The following EHBP1L1 variants were observed in gnomAD, a reference collection of about 807,000 sequenced individuals.
The protein encoded by EHBP1L1 is EH domain binding protein 1 like 1, also known as EH domain-binding protein 1-like protein 1.
Under a neutral mutation model 151.1 loss-of-function variants are expected in EHBP1L1, and 122 were observed. The ratio of observed to expected loss-of-function variants is 0.81; its 90% CI spans 0.70 to 0.94. The LOEUF (loss-of-function observed/expected upper bound fraction) is 0.94, where lower values mean the gene tolerates loss of function less well. Ranked by LOEUF, EHBP1L1 falls within the 40% of genes least tolerant of loss-of-function variation. The probability of loss-of-function intolerance (pLI) is 0.00; values close to 1 mark genes in which losing one functional copy is unlikely to be tolerated. For missense variants in EHBP1L1, 1,941 were observed against 1,959.8 expected, an observed-to-expected ratio of 0.99 and a Z score of 0.18; for synonymous variants, 878 against 810.1, an observed-to-expected ratio of 1.08 and a Z score of -1.42.
intron 8 of EHBP1L1, 27 bp downstream of exon 8, chr11:65,581,400 C>G (rs781436378): frequency 2.0e-6 from 3 of 1,507,840 alleles, no homozygotes; most frequent in South Asian, 2.6e-5. Flanking sequence ...GCCTCACCCC[C>G]CATTGCCCCC....
chr11:65,580,104 G>T lies in EHBP1L1; in HGVS notation c.336G>T (p.Val112=). Residue 112 remains valine, a synonymous_variant, in exon 5 of 19, where the codon GTG becomes GTT. Transcript: ENST00000309295. ...IENESKGQRK[V]LATAEVDLAR... ...AGGAGTCTAAGGGGCAGCGGAAGGT[G>T]CTGGCCACGGCCGAGGTGGACCTGG... 1 of 1,613,208 alleles carries T rather than the reference G, an allele frequency of 6.2e-7. No homozygotes were observed. Among genetic ancestry groups the T allele is most frequent in the Non-Finnish European group, 8.5e-7 (1 of 1,179,590 alleles).
chr11:65,580,051 C>T, intron 4 of EHBP1L1, 30 bp from the exon 5 acceptor site: 1 of 1,613,006 alleles, frequency 6.2e-7, no homozygotes, highest in South Asian at 1.1e-5. Flanking sequence ...CACTGATGCC[C>T]CTTCTCCTGG....
chr11:65,584,481 T>C lies in EHBP1L1; in HGVS notation c.3252-5T>C. On this transcript the variant is annotated splice_region_variant and splice_polypyrimidine_tract_variant and intron_variant, in intron 10 of 18. Coordinates refer to ENST00000309295, the MANE Select transcript of EHBP1L1 (RefSeq NM_001099409.3). ...CCCAGCCTCTGACCAGCACACTCTCTGCAGTGACTATGCCTCGCTAGACCC... is the reference window on the plus strand; with the variant it reads ...CCCAGCCTCTGACCAGCACACTCTCCGCAGTGACTATGCCTCGCTAGACCC... 1 of 1,613,360 alleles carries C rather than the reference T, an allele frequency of 6.2e-7. No homozygotes were observed. The highest frequency in any genetic ancestry group is 8.5e-7 in the Non-Finnish European group (1 of 1,179,786).
intron 15 of EHBP1L1, 86 bp downstream of exon 15, chr11:65,590,296 C>G: frequency 6.4e-7 from 1 of 1,571,086 alleles, no homozygotes. Context: ...TTGGGAGGAG[C>G]TGGGAGGAGG....
chr11:65,579,969 T>C lies in EHBP1L1; in HGVS notation c.292T>C (p.Trp98Arg). ...PHVDQYEAKE[W>R]TFIIENESKG... ...CGTGGACCAGTATGAGGCCAAAGAGTGGACATTTATTATTGAAAATGTGAG... is the reference window on the plus strand; with the variant it reads ...CGTGGACCAGTATGAGGCCAAAGAGCGGACATTTATTATTGAAAATGTGAG... Residue 98 changes from tryptophan to arginine, a missense_variant, in exon 4 of 19, where the codon TGG becomes CGG. Coordinates refer to ENST00000309295, the MANE Select transcript of EHBP1L1 (RefSeq NM_001099409.3). 6.2e-7 allele frequency: 1 copy of C among 1,613,718 alleles called. No homozygotes were observed. Among genetic ancestry groups the C allele is most frequent in the Non-Finnish European group, 8.5e-7 (1 of 1,179,830 alleles).
chr11:65,584,478 C>CT lies in EHBP1L1; in HGVS notation c.3252-7dup. 1 of 1,613,438 alleles carries CT rather than the reference C, an allele frequency of 6.2e-7. No individual in the cohort carries two copies. The highest frequency in any genetic ancestry group is 1.3e-5 in the African/African-American group (1 of 74,958). On this transcript the variant is annotated splice_polypyrimidine_tract_variant and splice_region_variant and intron_variant, in intron 10 of 18. Coordinates refer to ENST00000309295, the MANE Select transcript of EHBP1L1 (RefSeq NM_001099409.3). ...GGACCCAGCCTCTGACCAGCACACT[C>CT]TCTGCAGTGACTATGCCTCGCTAGA...
chr11:65,591,825 A>C lies in EHBP1L1; in HGVS notation c.4309A>C (p.Arg1437=). The C allele has an allele frequency of 7.2e-7, 1 of 1,394,250 alleles. No individual in the cohort carries two copies. Among genetic ancestry groups the C allele is most frequent in the African/African-American group, 1.5e-5 (1 of 67,070 alleles). 86.4% of individuals were successfully genotyped at this position (1,394,250 alleles called of 1,614,324 possible). The change falls in exon 17 of 19, where the codon AGG becomes CGG. Residue 1437 remains arginine, a synonymous_variant. Transcript: ENST00000309295. ...LLMEEQDLER[R]FELLSRELRA... is the part of the protein sequence containing the mutation. The stretch of plus-strand genomic sequence containing the variant: ...CATGGAGGAGCAGGACTTGGAGCGA[A>C]GGTTCGAGCTGCTGAGCCGCGAGCT...
chr11:65,581,807 G>A lies in EHBP1L1; in HGVS notation c.1135G>A (p.Glu379Lys). The change falls in exon 9 of 19, where the codon GAA becomes AAA. Residue 379 changes from glutamate (E) to lysine (K), a missense_variant. By Grantham distance (56) the Glu-to-Lys change is moderately conservative. Transcript: ENST00000309295. ...TTTTGGAAGGCAGAGACTCAAGGCT[G>A]AAGAGATGGACACTGAGGACAGGCC... ...DPFGRQRLKA[E>K]EMDTEDRPEA... 1.9e-6 allele frequency: 3 copies of A among 1,613,630 alleles called. No homozygotes were observed. The highest frequency in any genetic ancestry group is 2.5e-6 in the Non-Finnish European group (3 of 1,179,774).
chr11:65,581,133 C>T lies in EHBP1L1; in HGVS notation c.703+7C>T. On this transcript the variant is annotated splice_region_variant and intron_variant, in intron 7 of 18. Coordinates refer to ENST00000309295, the MANE Select transcript of EHBP1L1 (RefSeq NM_001099409.3). ...GGACGACCCCAGCAGGCAGGTGAGA[C>T]CCAGGCTGGGGTTGGGGGTGGAGAC... is the stretch of plus-strand genomic sequence containing the variant. 6.2e-7 allele frequency: 1 copy of T among 1,612,882 alleles called. No individual in the cohort carries two copies. The highest frequency in any genetic ancestry group is 8.5e-7 in the Non-Finnish European group (1 of 1,179,656).
Position 65,581,811 on chromosome 11 carries a change from A to T in EHBP1L1, c.1139A>T (p.Glu380Val). ...GGAAGGCAGAGACTCAAGGCTGAAG[A>T]GATGGACACTGAGGACAGGCCAGAG... ...PFGRQRLKAE[E>V]MDTEDRPEAS... Residue 380 changes from glutamate to valine, a missense_variant, in exon 9 of 19, where the codon GAG (glutamate) becomes GTG (valine). Physicochemically the swap from Glu to Val is moderately radical, Grantham distance 121. Coordinates refer to ENST00000309295, the MANE Select transcript of EHBP1L1 (RefSeq NM_001099409.3). 1.2e-6 allele frequency: 2 copies of T among 1,613,644 alleles called. No individual in the cohort carries two copies. The highest frequency in any genetic ancestry group is 1.7e-6 in the Non-Finnish European group (2 of 1,179,784).
intron 6 of EHBP1L1, 34 bp from the exon 7 acceptor site, chr11:65,581,024 A>G (rs1050194017): frequency 6.4e-7 from 1 of 1,569,920 alleles, no homozygotes; most frequent in Non-Finnish European, 8.6e-7. Context: ...CCCTGGGCTG[A>G]CTCTGCCCTT....
intron 6 of EHBP1L1, 76 bp from the exon 7 acceptor site, chr11:65,580,982 T>C (rs1203294537): frequency 3.3e-6 from 5 of 1,525,528 alleles, no homozygotes; most frequent in Non-Finnish European, 4.4e-6. Flanking sequence ...TGCACTGTAG[T>C]TGGGGGAGGG....
intron 1 of EHBP1L1, 138 bp downstream of exon 1, chr11:65,576,544 C>G (rs1480096844): frequency 1.3e-6 from 1 of 755,828 alleles, no homozygotes; most frequent in Admixed American, 3.0e-5. Context: ...GTTCCGTTCC[C>G]AGGCTCGGAG....
chr11:65,583,505 TC>T lies in EHBP1L1; in HGVS notation c.2834del (p.Ser945Ter), dbSNP rs1565125939. ...QEAEAGVWGM[S>X]EGKSGAWGAQ... ...GGCAGAGGCTGGGGTTTGGGGGATG[TC>T]AGAGGGCAAATCTGGGGCTTGGGGG... On this transcript the variant is annotated frameshift_variant, in exon 9 of 19. Transcript: ENST00000309295. LOFTEE classifies it high-confidence loss of function. 6.2e-7 allele frequency: 1 copy of T among 1,612,546 alleles called. No individual in the cohort carries two copies. The highest frequency in any genetic ancestry group is 1.1e-5 in the South Asian group (1 of 91,024).
chr11:65,582,709 G>C lies in EHBP1L1; in HGVS notation c.2037G>C (p.Gln679His), dbSNP rs1321402850. The C allele has an allele frequency of 1.2e-6, 2 of 1,613,534 alleles. No homozygotes were observed. Among genetic ancestry groups the C allele is most frequent in the African/African-American group, 2.7e-5 (2 of 74,886 alleles). ...CAGAGACTGAGGTACTGGTGACCCA[G>C]GAGATATCTGGGGATTTAGGGCCAC... Reference protein sequence around the residue: ...TIAETEVLVTQEISGDLGPLK... With the variant: ...TIAETEVLVTHEISGDLGPLK... The change falls in exon 9 of 19, where the codon CAG (glutamine) becomes CAC (histidine). Residue 679 changes from glutamine (Q) to histidine (H), a missense_variant. By Grantham distance (24) the Gln-to-His change is conservative (BLOSUM62 0). Coordinates refer to ENST00000309295, the MANE Select transcript of EHBP1L1 (RefSeq NM_001099409.3).
chr11:65,585,298 G>C lies in EHBP1L1; in HGVS notation c.3640G>C (p.Ala1214Pro). The C allele has an allele frequency of 9.3e-7, 1 of 1,074,508 alleles. No homozygotes were observed. Among genetic ancestry groups the C allele is most frequent in the Non-Finnish European group, 1.1e-6 (1 of 887,224 alleles). The allele number at this position is 1,074,508 out of a possible 1,614,324, so 66.6% of individuals were successfully genotyped here. The change falls in exon 12 of 19, where the codon GCG becomes CCG. Residue 1214 changes from alanine (A) to proline (P), a missense_variant. Transcript: ENST00000309295. This position sits in a 1 kb window ranked among gnomAD's most constrained non-coding sequence, Gnocchi z 4.0. The stretch of plus-strand genomic sequence containing the variant: ...GGGGGTGGCCTCCAGGAACGCGGTC[G>C]CGGGCCGCGCCTCCAAGGACGGCGG... ...APGVASRNAVAGRASKDGGAE... is the reference protein window; with the variant it reads ...APGVASRNAVPGRASKDGGAE...
chr11:65,580,563 C>T (rs887255718), intron 6 of EHBP1L1, 84 bp downstream of exon 6: 21 of 1,538,630 alleles, frequency 1.4e-5, no homozygotes, highest in Admixed American at 3.6e-5. Flanking sequence ...TTGCTGTGCC[C>T]GCCCTGTGAT....
chr11:65,580,925 C>A (rs917713337), intron 6 of EHBP1L1, 133 bp from the exon 7 acceptor site: 76 of 1,440,788 alleles, frequency 5.3e-5, no homozygotes, highest in Non-Finnish European at 6.3e-5. Flanking sequence ...TCTCTTCTCG[C>A]AGGCCGGGGC....
Position 65,591,786 on chromosome 11 carries a change from C to CCCCCCCCCAA in EHBP1L1, c.4284-13_4284-12insCCCCCCCAAC. On this transcript the variant is annotated splice_polypyrimidine_tract_variant and intron_variant, in intron 16 of 18. Coordinates refer to ENST00000309295, the MANE Select transcript of EHBP1L1 (RefSeq NM_001099409.3). ...CTGCCACCCCCCCGCCACCCACCCC[C>CCCCCCCCCAA]CGCCACCTTCCAGCATGGAGGAGCA... 1.3e-6 allele frequency: 2 copies of CCCCCCCCCAA among 1,532,402 alleles called. No homozygotes were observed. Among genetic ancestry groups the CCCCCCCCCAA allele is most frequent in the Non-Finnish European group, 1.8e-6 (2 of 1,133,760 alleles). 94.9% of individuals were successfully genotyped at this position (1,532,402 alleles called of 1,614,324 possible).
Sources: gnomAD v4.1 joint callset for allele counts on GRCh38, gnomAD v4.1.1 for gene constraint, Gnocchi (gnomAD v3.1) non-coding constraint, MANE v1.5 for transcripts, NCBI Gene and HGNC (gene_info 2026-07-23, HGNC 2026-07-21) for gene names.